The following RGS9 variants were observed in gnomAD, a reference collection of about 807,000 sequenced individuals.
RGS9 encodes regulator of G protein signaling 9.
RGS9 carries 78 observed loss-of-function variants against 102.0 expected under a neutral mutation model. That is an observed-to-expected ratio of 0.76 (90% CI 0.64 to 0.92). The LOEUF is 0.92. RGS9 is among the 40% of genes least tolerant of loss of function. RGS9 has a pLI of 0.00. For missense variants in RGS9, 833 were observed against 866.1 expected (o/e 0.96, Z 0.48); for synonymous variants, 353 against 318.6 (o/e 1.11, Z -1.15).
At chr17:65,176,750 T>C (rs921951049) in intron 8 of RGS9, among the ~76,000 whole-genome samples, 19 of 133,038 alleles carry the variant, frequency 1.4e-4, no homozygotes, top group African/African-American at 4.2e-4. Flanking sequence ...CATCCATCCA[T>C]CCACCCATCC....
intron 9 of RGS9, among the ~76,000 whole-genome samples, chr17:65,178,135 G>T (rs535978521): frequency 3.9e-5 from 6 of 152,256 alleles, no homozygotes; most frequent in Admixed American, 3.9e-4. Flanking sequence ...TCCACTCAAA[G>T]ATGCACAGAC....
intron 11 of RGS9, among the ~76,000 whole-genome samples, chr17:65,192,159 G>A (rs923628383): frequency 1.2e-4 from 19 of 152,196 alleles, no homozygotes; most frequent in African/African-American, 3.4e-4. Flanking sequence ...TAGGATCAGG[G>A]TAATTAGCAT....
intron 2 of RGS9, among the ~76,000 whole-genome samples, chr17:65,157,754 G>T (rs2143986455): frequency 1.3e-5 from 2 of 152,256 alleles, no homozygotes; most frequent in Middle Eastern, 6.8e-3. Flanking sequence ...AAGTTTAGAA[G>T]TTTCTGACTC....
At chr17:65,190,021 T>C (rs971810521) in intron 10 of RGS9, among the ~76,000 whole-genome samples, 154 bp from the exon 11 acceptor site, 4 of 152,172 alleles carry the variant, frequency 2.6e-5, no homozygotes, top group African/African-American at 9.7e-5. Flanking sequence ...ATCTGTCCAC[T>C]GTGGGCCTGA....
At chr17:65,137,821 T>C (rs1442509150) in intron 1 of RGS9, among the ~76,000 whole-genome samples, 5 of 152,232 alleles carry the variant, frequency 3.3e-5, no homozygotes, top group Non-Finnish European at 7.3e-5. Flanking sequence ...CCAGCGCTGA[T>C]GGTCTGCGGG....
chr17:65,158,872 C>A, intron 3 of RGS9: 1 of 251,464 alleles, frequency 4.0e-6, no homozygotes, highest in South Asian at 5.9e-5. Flanking sequence ...GCCTGATAAT[C>A]ATATTTCAGC....
chr17:65,193,203 G>A (rs561052434), intron 11 of RGS9, among the ~76,000 whole-genome samples: 46 of 150,386 alleles, frequency 3.1e-4, no homozygotes, highest in African/African-American at 9.3e-4. Flanking sequence ...CCTGGGAGGC[G>A]GAGGCTGCAG....
At chr17:65,146,564 C>T (rs1388708487) in intron 1 of RGS9, among the ~76,000 whole-genome samples, 3 of 140,124 alleles carry the variant, frequency 2.1e-5, no homozygotes, top group Admixed American at 7.4e-5. Flanking sequence ...TCCAGCTTGG[C>T]GACAGAGCAA....
chr17:65,220,797 G>A (rs1267436528), intron 17 of RGS9, among the ~76,000 whole-genome samples: 3 of 152,168 alleles, frequency 2.0e-5, no homozygotes, highest in Non-Finnish European at 2.9e-5. Context: ...CTGTGATTGT[G>A]TTCTCATGTT....
In RGS9 at chr17:65,227,405, T is replaced by C; in HGVS notation, c.2023T>C (p.Ter675GlnextTer39). ...GGTCATCTGCCCCTGGGAGAGCCTG[T>C]AAGGAAAGAGGCAGGCTGAGCTGGG... ...KEVICPWESL[*>Q] The change falls in exon 19 of 19, where the codon TAA becomes CAA. Residue 675 changes from the stop codon to glutamine, a stop_lost. Coordinates refer to ENST00000262406, the MANE Select transcript of RGS9 (RefSeq NM_003835.4). The C allele has an allele frequency of 6.2e-7, 1 of 1,613,196 alleles. No homozygotes were observed. Among genetic ancestry groups the C allele is most frequent in the Non-Finnish European group, 8.5e-7 (1 of 1,179,490 alleles).
At position 65,173,684 on chromosome 17, in the gene RGS9, G is replaced by A. The variant is rs1014584030; in HGVS notation, c.583-4048G>A. 6.6e-6 allele frequency among the ~76,000 whole-genome samples: 1 copy of A among 152,254 alleles called. No individual in the cohort carries two copies. The highest frequency in any genetic ancestry group is 1.5e-5 in the Non-Finnish European group (1 of 68,040). On this transcript the variant is annotated intron_variant, in intron 8 of 18. Coordinates refer to ENST00000262406, the MANE Select transcript of RGS9 (RefSeq NM_003835.4). This position sits in a 1 kb window ranked among gnomAD's most constrained non-coding sequence, Gnocchi z 4.8. Reference sequence around the variant, plus strand: ...CCTCCTTATCTGCGGGCCACACACCGCAGGATGCATCGGCTGCCCTTATTT... The same window carrying A: ...CCTCCTTATCTGCGGGCCACACACCACAGGATGCATCGGCTGCCCTTATTT...
At chr17:65,204,420 G>A (rs533146269) in intron 15 of RGS9, 119 bp downstream of exon 15, 1 of 1,246,072 alleles carries the variant, frequency 8.0e-7, no homozygotes, top group South Asian at 1.3e-5. Flanking sequence ...TTTGCCGGTT[G>A]TGGCATGCAG....
chr17:65,213,544 G>C (rs914309007), intron 17 of RGS9, among the ~76,000 whole-genome samples: 2 of 149,910 alleles, frequency 1.3e-5, no homozygotes, highest in Non-Finnish European at 2.9e-5. Context: ...GGTGGTGAGT[G>C]TGGTGGTGAG....
At chr17:65,215,031 G>A (rs974448752) in intron 17 of RGS9, among the ~76,000 whole-genome samples, 1 of 152,192 alleles carries the variant, frequency 6.6e-6, no homozygotes, top group African/African-American at 2.4e-5. Context: ...GAGAGTTAGT[G>A]TCTTGTGGGG....
At chr17:65,224,262 C>A (rs914027880) in intron 17 of RGS9, among the ~76,000 whole-genome samples, 1 of 152,254 alleles carries the variant, frequency 6.6e-6, no homozygotes, top group East Asian at 1.9e-4. Context: ...CTGGCCTATG[C>A]TCTGGGGGCT....
At chr17:65,164,369 C>T (rs538741494) in intron 7 of RGS9, among the ~76,000 whole-genome samples, 45 of 152,316 alleles carry the variant, frequency 3.0e-4, no homozygotes, top group South Asian at 1.2e-3. Flanking sequence ...AGCAGGTCAA[C>T]GTCAAAGGTT....
intron 17 of RGS9, among the ~76,000 whole-genome samples, chr17:65,215,545 T>TTTCC (rs1491433941): frequency 7.4e-6 from 1 of 135,926 alleles, no homozygotes; most frequent in Non-Finnish European, 1.5e-5. Context: ...TCTTTCTTTC[T>TTTCC]TTTTTTTTGT....
rs1911706402 is a variant in RGS9, at chr17:65,177,818, C to A, written c.654+15C>A. The A allele has an allele frequency of 6.2e-7, 1 of 1,612,254 alleles. No individual in the cohort carries two copies. Among genetic ancestry groups the A allele is most frequent in the Non-Finnish European group, 8.5e-7 (1 of 1,178,264 alleles). On this transcript the variant is annotated intron_variant, in intron 9 of 18. Transcript: ENST00000262406. ...AGGTAAACCAGGTATGTCTCTGCTG[C>A]ATAGTTTGGGTAGGGCCTAGGTCGG...
At position 65,160,287 on chromosome 17, in the gene RGS9, A is replaced by G. The variant is rs1416862443; in HGVS notation, c.260A>G (p.Gln87Arg). The G allele has an allele frequency of 6.2e-7, 1 of 1,614,212 alleles. No homozygotes were observed. Among genetic ancestry groups the G allele is most frequent in the Non-Finnish European group, 8.5e-7 (1 of 1,180,038 alleles). ...IVRYGYIYPL[Q>R]DPKNLILKPD... ...AGGTATGGCTACATTTACCCCCTGC[A>G]AGACCCCAAGAATCTCATTCTCAAG... Residue 87 changes from glutamine (Q) to arginine (R), a missense_variant, in exon 4 of 19, where the codon CAA becomes CGA. Physicochemically the swap from Gln to Arg is conservative, Grantham distance 43. Coordinates refer to ENST00000262406, the MANE Select transcript of RGS9 (RefSeq NM_003835.4).
Sources: allele counts gnomAD v4.1 joint callset (sites outside exome capture counted in the v4.1 genomes callset), GRCh38; gene constraint gnomAD v4.1.1; non-coding constraint Gnocchi (gnomAD v3.1); transcripts MANE v1.5; gene names NCBI Gene and HGNC (gene_info 2026-07-23, HGNC 2026-07-21).